CFAP210: variants seen among roughly 807,000 people sequenced by gnomAD.
CFAP210 encodes cilia- and flagella- associated protein 210.
At chr2:169,654,077 G>T in the CFAP210 span, 1 of 1,608,674 alleles carries the variant, frequency 6.2e-7, no homozygotes. Context: ...AAGCCTACCT[G>T]TGTGTTTCAG....
At chr2:169,684,339 C>T in the CFAP210 span, among the ~76,000 whole-genome samples, 2 of 152,176 alleles carry the variant, frequency 1.3e-5, no homozygotes, top group African/African-American at 4.8e-5. Flanking sequence ...CATAAAAATC[C>T]GCCACTGTAA....
chr2:169,663,915 G>A, the CFAP210 span, among the ~76,000 whole-genome samples: 1 of 151,808 alleles, frequency 6.6e-6, no homozygotes, highest in Non-Finnish European at 1.5e-5. Context: ...ATGTCTGGGC[G>A]CAGTGGCTCA....
At chr2:169,665,960 C>A in the CFAP210 span, among the ~76,000 whole-genome samples, 59 of 152,188 alleles carry the variant, frequency 3.9e-4, no homozygotes, top group African/African-American at 1.3e-3. Context: ...AACTCCTGGG[C>A]TCAAGTGATC....
the CFAP210 span, among the ~76,000 whole-genome samples, chr2:169,666,436 A>G: frequency 6.6e-6 from 1 of 151,614 alleles, no homozygotes; most frequent in African/African-American, 2.4e-5. Flanking sequence ...ATATCTCAAT[A>G]AAGTAAGTCA....
chr2:169,681,135 T>C, the CFAP210 span: 1 of 1,613,992 alleles, frequency 6.2e-7, no homozygotes, highest in South Asian at 1.1e-5. Context: ...TGAATCCTTT[T>C]CCACTCATCG....
At chr2:169,694,115 C>T in the CFAP210 span, 10 of 775,512 alleles carry the variant, frequency 1.3e-5, no homozygotes, top group Admixed American at 1.6e-4. Flanking sequence ...TCACACAGAG[C>T]CCAAAGATGC....
the CFAP210 span, chr2:169,646,281 C>T: frequency 2.4e-6 from 2 of 819,802 alleles, no homozygotes; most frequent in Non-Finnish European, 3.9e-6. Flanking sequence ...ATTTTCTAAA[C>T]TCATTGATAC....
chr2:169,646,115 G>C, the CFAP210 span: 1 of 1,613,916 alleles, frequency 6.2e-7, no homozygotes, highest in East Asian at 2.2e-5. Context: ...AGCCACAAGA[G>C]CTTCAGTAAG....
chr2:169,679,355 T>C, the CFAP210 span, among the ~76,000 whole-genome samples: 6 of 152,130 alleles, frequency 3.9e-5, no homozygotes, highest in Admixed American at 1.3e-4. Context: ...CCAGTCGACA[T>C]CTTCCTCCCA....
the CFAP210 span, chr2:169,658,008 A>T: frequency 6.6e-6 from 1 of 152,154 alleles, no homozygotes; most frequent in African/African-American, 2.4e-5. Context: ...TAATTAAAAA[A>T]TTTTACCTCT....
the CFAP210 span, among the ~76,000 whole-genome samples, chr2:169,683,170 T>G: frequency 6.6e-6 from 1 of 152,312 alleles, no homozygotes; most frequent in African/African-American, 2.4e-5. Context: ...AGGCACTATC[T>G]TGCCTACCAC....
the CFAP210 span, among the ~76,000 whole-genome samples, chr2:169,647,899 AGTC>A: frequency 6.6e-6 from 1 of 152,262 alleles, no homozygotes; most frequent in South Asian, 2.1e-4. Flanking sequence ...GCTCATGCGT[AGTC>A]GTAGCACTTT....
At chr2:169,650,990 A>G in the CFAP210 span, among the ~76,000 whole-genome samples, 2 of 151,808 alleles carry the variant, frequency 1.3e-5, no homozygotes, top group African/African-American at 4.8e-5. Flanking sequence ...GCACTTTGGG[A>G]GGCTGAGGCG....
chr2:169,667,232 G>A, the CFAP210 span, among the ~76,000 whole-genome samples: 68 of 150,102 alleles, frequency 4.5e-4, no homozygotes, highest in Admixed American at 1.0e-3. Context: ...TCTGCCCCCC[G>A]GGTTCAAGAG....
At chr2:169,666,898 A>C in the CFAP210 span, among the ~76,000 whole-genome samples, 1 of 152,150 alleles carries the variant, frequency 6.6e-6, no homozygotes, top group African/African-American at 2.4e-5. Context: ...TTCTTTGCTC[A>C]TCCGTAAGAA....
the CFAP210 span, among the ~76,000 whole-genome samples, chr2:169,680,069 G>A: frequency 6.6e-6 from 1 of 152,094 alleles, no homozygotes; most frequent in Non-Finnish European, 1.5e-5. Flanking sequence ...TAAGCTCAAT[G>A]ACAAAACTAA....
chr2:169,647,809 T>C, the CFAP210 span, among the ~76,000 whole-genome samples: 2 of 152,068 alleles, frequency 1.3e-5, no homozygotes, highest in African/African-American at 4.8e-5. Flanking sequence ...TGATAAGAGA[T>C]TTAATACACA....
At chr2:169,655,754 C>G in the CFAP210 span, among the ~76,000 whole-genome samples, 1 of 152,052 alleles carries the variant, frequency 6.6e-6, no homozygotes, top group African/African-American at 2.4e-5. Flanking sequence ...AAAAATTATT[C>G]CACCCCTTAA....
At chr2:169,660,421 GTTTTT>G in the CFAP210 span, among the ~76,000 whole-genome samples, 1 of 148,088 alleles carries the variant, frequency 6.8e-6, no homozygotes, top group African/African-American at 2.5e-5. Context: ...TCATTTCACT[GTTTTT>G]TTTTGTTTTG....
Sources: allele counts gnomAD v4.1 joint callset (sites outside exome capture counted in the v4.1 genomes callset), GRCh38; gene constraint gnomAD v4.1.1; transcripts MANE v1.5; gene names NCBI Gene and HGNC (gene_info 2026-07-23, HGNC 2026-07-21).